Variants in YEATS4 observed in about 807,000 individuals in gnomAD.
YEATS4 encodes the protein YEATS domain-containing protein 4.
Under a neutral mutation model 30.1 loss-of-function variants are expected in YEATS4, and 17 were observed. That is an observed-to-expected ratio of 0.56 (90% CI 0.39 to 0.85). The LOEUF is 0.85. Among genes scored for constraint, YEATS4 ranks in the 40% least tolerant of loss-of-function variants. The pLI, the probability that YEATS4 is intolerant of heterozygous loss-of-function variation, is 0.00. For missense variants in YEATS4, 142 were observed against 268.3 expected (o/e 0.53, Z 3.29); for synonymous variants, 85 against 87.5 (o/e 0.97, Z 0.16).
chr12:69,371,414 G>T (rs1426580520), intron 6 of YEATS4, among the ~76,000 whole-genome samples: 2 of 152,194 alleles, frequency 1.3e-5, no homozygotes, highest in African/African-American at 4.8e-5. Flanking sequence ...ATGCTCAAGT[G>T]TTGACTACCT....
At chr12:69,403,584 A>G in the YEATS4 span, among the ~76,000 whole-genome samples, 1 of 151,982 alleles carries the variant, frequency 6.6e-6, no homozygotes, top group Non-Finnish European at 1.5e-5. Context: ...CTCAAAAAAA[A>G]AAAAAAAGAA....
At chr12:69,399,202 A>T in the YEATS4 span, among the ~76,000 whole-genome samples, 3,717 of 152,124 alleles carry the variant, frequency 0.024, 148 homozygotes, top group African/African-American at 0.084. Context: ...AGGACATTCT[A>T]AAAAAAGTCA....
Position 69,359,892 on chromosome 12 carries a change from A to C in YEATS4, c.-81A>C. ...CCTCCGCCTGGGCCCGCGCGACAGG[A>C]GCGCGGTCTCTGAGGGGAGCGGCGA... On this transcript the variant is annotated 5_prime_UTR_variant, in exon 1 of 7. Transcript: ENST00000247843. 1.2e-5 allele frequency: 18 copies of C among 1,548,266 alleles called. No homozygotes were observed. Among genetic ancestry groups the C allele is most frequent in the Admixed American group, 1.7e-5 (1 of 57,526 alleles).
intron 6 of YEATS4, among the ~76,000 whole-genome samples, chr12:69,381,231 T>G (rs1876063323): frequency 6.6e-6 from 1 of 152,154 alleles, no homozygotes. Flanking sequence ...AGGCTTACCC[T>G]CAGGGACACA....
chr12:69,367,726 A>G (rs2120933362), intron 4 of YEATS4, among the ~76,000 whole-genome samples: 1 of 152,328 alleles, frequency 6.6e-6, no homozygotes, highest in Middle Eastern at 3.4e-3. Flanking sequence ...ATTGAGAAGG[A>G]TACAAAAATG....
chr12:69,377,792 G>T (rs1328266203), intron 6 of YEATS4, among the ~76,000 whole-genome samples: 1 of 152,180 alleles, frequency 6.6e-6, no homozygotes, highest in Admixed American at 6.5e-5. Flanking sequence ...GATCCATGAG[G>T]TCAGGAGAAG....
chr12:69,384,394 G>A (rs984736447), intron 6 of YEATS4, among the ~76,000 whole-genome samples: 2 of 152,138 alleles, frequency 1.3e-5, no homozygotes, highest in East Asian at 3.8e-4. Context: ...TAAATCTTAC[G>A]TATGGAGCTG....
intron 6 of YEATS4, among the ~76,000 whole-genome samples, chr12:69,371,835 G>A (rs1352812165): frequency 1.3e-5 from 2 of 152,196 alleles, no homozygotes; most frequent in Non-Finnish European, 2.9e-5. Flanking sequence ...TTGGTGGGAC[G>A]AGATGGTTGG....
chr12:69,373,316 TTCGATAACAGCCATTTTAACAG>T (rs1875715477), intron 6 of YEATS4, among the ~76,000 whole-genome samples: 1 of 152,326 alleles, frequency 6.6e-6, no homozygotes, highest in South Asian at 2.1e-4. Flanking sequence ...TGCCTGTCTT[TTCGATAACAGCCATTTTAACAG>T]GCATGAGATG....
chr12:69,380,164 A>G (rs11536206), intron 6 of YEATS4, among the ~76,000 whole-genome samples: 104 of 152,314 alleles, frequency 6.8e-4, no homozygotes, highest in Admixed American at 1.7e-3. Flanking sequence ...ATATTCATCA[A>G]TGTCTGGGCA....
At chr12:69,421,897 G>T in the YEATS4 span, among the ~76,000 whole-genome samples, 3 of 152,154 alleles carry the variant, frequency 2.0e-5, no homozygotes, top group Non-Finnish European at 4.4e-5. Context: ...ACACCGTGAA[G>T]GTTGAGTAGA....
chr12:69,359,809 A>T lies in YEATS4; in HGVS notation c.-164A>T. On this transcript the variant is annotated 5_prime_UTR_variant, in exon 1 of 7. Transcript: ENST00000247843. ...CTTCAGGAGCACAGTCGGCCTGAGG[A>T]GTTGACGGTTACTCACCGCCGTGAG... 1.4e-6 allele frequency: 1 copy of T among 737,294 alleles called. No homozygotes were observed. The highest frequency in any genetic ancestry group is 1.9e-5 in the South Asian group (1 of 53,540). 45.7% of individuals were successfully genotyped at this position (737,294 alleles called of 1,614,324 possible). A position where few individuals can be genotyped will look rare whatever the true frequency, so the allele number is the denominator to read the frequency against.
the YEATS4 span, among the ~76,000 whole-genome samples, chr12:69,415,673 G>T: frequency 4.6e-5 from 7 of 152,212 alleles, no homozygotes; most frequent in East Asian, 1.3e-3. Context: ...TCAATGTGTA[G>T]GAAAAGGTGG....
chr12:69,418,136 A>G, the YEATS4 span, among the ~76,000 whole-genome samples: 1 of 152,332 alleles, frequency 6.6e-6, no homozygotes, highest in Admixed American at 6.5e-5. Context: ...CAGCCTTGGC[A>G]GGTGATAATG....
chr12:69,414,834 A>C, the YEATS4 span, among the ~76,000 whole-genome samples: 2 of 152,200 alleles, frequency 1.3e-5, no homozygotes, highest in Non-Finnish European at 2.9e-5. Context: ...TTGATTGCTC[A>C]TCAGTGGCAC....
intron 6 of YEATS4, among the ~76,000 whole-genome samples, chr12:69,380,154 A>G (rs1234148342): frequency 2.0e-5 from 3 of 152,104 alleles, no homozygotes; most frequent in Non-Finnish European, 4.4e-5. Context: ...ATACTTGTTG[A>G]TATTCATCAA....
downstream of YEATS4, among the ~76,000 whole-genome samples, chr12:69,394,073 A>T (rs1178704950): frequency 2.0e-5 from 3 of 152,196 alleles, no homozygotes; most frequent in South Asian, 2.1e-4. Flanking sequence ...GGAGGGAGGA[A>T]AAAACAAAGG....
chr12:69,397,845 T>C, the YEATS4 span, among the ~76,000 whole-genome samples: 1 of 152,094 alleles, frequency 6.6e-6, no homozygotes, highest in Non-Finnish European at 1.5e-5. Context: ...TGCCCACAAC[T>C]TGATCTCAGA....
At chr12:69,360,178 C>T (rs769508630) in intron 1 of YEATS4, among the ~76,000 whole-genome samples, 155 bp downstream of exon 1, 5 of 152,108 alleles carry the variant, frequency 3.3e-5, no homozygotes, top group South Asian at 2.1e-4. Flanking sequence ...AGCCATTGAG[C>T]GAAAAACCGG....
Sources: gnomAD v4.1 joint callset for allele counts (sites outside exome capture counted in the v4.1 genomes callset) on GRCh38, gnomAD v4.1.1 for gene constraint, MANE v1.5 for transcripts, NCBI Gene and HGNC (gene_info 2026-07-23, HGNC 2026-07-21) for gene names.